Variants in TRIM44 observed in about 807,000 individuals in gnomAD.
TRIM44 encodes tripartite motif containing 44.
TRIM44 carries 13 observed loss-of-function variants against 37.4 expected under a neutral mutation model. That is an observed-to-expected ratio of 0.35 (90% CI 0.23 to 0.55). The LOEUF is 0.55. Among genes scored for constraint, TRIM44 ranks in the 20% least tolerant of loss-of-function variants. The pLI is 0.89. For missense variants in TRIM44, 426 were observed against 437.2 expected (o/e 0.97, Z 0.23); for synonymous variants, 175 against 157.2 (o/e 1.11, Z -0.85).
rs1853249944 is a variant in TRIM44 at position 35,793,929 on chromosome 11, A to G, written c.1008-12429A>G. On this transcript the variant is annotated intron_variant, in intron 4 of 4. Transcript: ENST00000299413. ...ATGAAAACTGTAAAGATTTGGATGAAGTGATTAATTAGTTCAGTGTCTAGC... is the reference window on the plus strand; with the variant it reads ...ATGAAAACTGTAAAGATTTGGATGAGGTGATTAATTAGTTCAGTGTCTAGC... 2.6e-5 allele frequency among the ~76,000 whole-genome samples: 4 copies of G among 152,198 alleles called. No homozygotes were observed. In the South Asian group the frequency reaches 8.3e-4, roughly 32 times the overall value.
At chr11:35,697,010 CT>C (rs1851709803) in intron 2 of TRIM44, among the ~76,000 whole-genome samples, 1 of 151,970 alleles carries the variant, frequency 6.6e-6, no homozygotes, top group South Asian at 2.1e-4. Flanking sequence ...ATAATAAAAC[CT>C]TAAAGACAAA....
intron 4 of TRIM44, among the ~76,000 whole-genome samples, chr11:35,794,302 A>G (rs1318959817): frequency 6.6e-6 from 1 of 152,226 alleles, no homozygotes; most frequent in South Asian, 2.1e-4. Flanking sequence ...AGGTGGATAA[A>G]GTATTAGAAT....
chr11:35,767,018 T>G (rs2970330), intron 4 of TRIM44, among the ~76,000 whole-genome samples: 128,040 of 152,150 alleles, frequency 0.84, 54,118 homozygotes, highest in Middle Eastern at 0.86. Context: ...CCAAGTCAAG[T>G]CATGGTTTTA....
At chr11:35,726,843 A>G (rs1456626141) in intron 3 of TRIM44, among the ~76,000 whole-genome samples, 1 of 151,328 alleles carries the variant, frequency 6.6e-6, no homozygotes, top group Non-Finnish European at 1.5e-5. Context: ...CTTTGAAAAA[A>G]TTATTTAAGG....
At chr11:35,722,847 G>C (rs1384653474) in intron 2 of TRIM44, among the ~76,000 whole-genome samples, 1 of 152,158 alleles carries the variant, frequency 6.6e-6, no homozygotes, top group Non-Finnish European at 1.5e-5. Context: ...AGTGGCTTTG[G>C]TTCAGACGCC....
intron 1 of TRIM44, among the ~76,000 whole-genome samples, chr11:35,664,190 A>G (rs569978144): frequency 1.1e-4 from 16 of 152,334 alleles, no homozygotes; most frequent in Admixed American, 5.9e-4. Flanking sequence ...ATTTTGCCAC[A>G]TGAATCCAAG....
intron 2 of TRIM44, among the ~76,000 whole-genome samples, chr11:35,723,898 T>C (rs533680961): frequency 6.6e-6 from 1 of 152,330 alleles, no homozygotes; most frequent in South Asian, 2.1e-4. Flanking sequence ...TAGAGATCCA[T>C]TGATCAATGA....
At chr11:35,789,667 A>C (rs1021683658) in intron 4 of TRIM44, among the ~76,000 whole-genome samples, 8 of 152,146 alleles carry the variant, frequency 5.3e-5, no homozygotes, top group African/African-American at 1.9e-4. Flanking sequence ...TTGTCATCCA[A>C]ATTACTGACA....
intron 4 of TRIM44, among the ~76,000 whole-genome samples, chr11:35,775,095 G>C (rs949096793): frequency 6.6e-6 from 1 of 152,034 alleles, no homozygotes; most frequent in African/African-American, 2.4e-5. Flanking sequence ...TTCTTCCTAT[G>C]CATGAGCATG....
rs1274914987 is a variant in TRIM44 at position 35,813,839 on chromosome 11, TCAAA to T, written c.*7457_*7460del. The T allele has an allele frequency of 6.6e-6, 1 of 152,172 alleles. No individual in the cohort carries two copies. The allele number at this position is 152,172 out of a possible 1,614,324, so 9.4% of individuals were successfully genotyped here. A position where few individuals can be genotyped will look rare whatever the true frequency, so the allele number is the denominator to read the frequency against. On this transcript the variant is annotated 3_prime_UTR_variant, in exon 5 of 5. Coordinates refer to ENST00000299413, the MANE Select transcript of TRIM44 (RefSeq NM_017583.6). ...TGACCATCCAGAATATTTAGCTAAA[TCAAA>T]CAGTGTATATCCCCCTAGCTGACTT...
At chr11:35,697,130 T>C (rs570609467) in intron 2 of TRIM44, among the ~76,000 whole-genome samples, 7 of 151,988 alleles carry the variant, frequency 4.6e-5, no homozygotes, top group Admixed American at 3.9e-4. Context: ...TTGTTACATA[T>C]GTATACATGT....
intron 2 of TRIM44, among the ~76,000 whole-genome samples, chr11:35,696,991 C>T (rs114455274): frequency 0.013 from 1,946 of 152,124 alleles, 46 homozygotes; most frequent in African/African-American, 0.044. Flanking sequence ...TTAATGTCAA[C>T]CGCAATTTAT....
intron 4 of TRIM44, among the ~76,000 whole-genome samples, chr11:35,769,081 TAC>T (rs1565012378): frequency 6.6e-6 from 1 of 152,224 alleles, no homozygotes; most frequent in Non-Finnish European, 1.5e-5. Flanking sequence ...ACCGGGTTGT[TAC>T]TTAGATGAAC....
intron 4 of TRIM44, among the ~76,000 whole-genome samples, chr11:35,795,623 GAATCTT>G (rs1159186303): frequency 1.3e-5 from 2 of 152,102 alleles, no homozygotes; most frequent in Non-Finnish European, 2.9e-5. Context: ...ACTTGAGAAG[GAATCTT>G]TAGCCCATTG....
chr11:35,722,468 C>T (rs1464931021), intron 2 of TRIM44, among the ~76,000 whole-genome samples: 1 of 152,230 alleles, frequency 6.6e-6, no homozygotes, highest in African/African-American at 2.4e-5. Context: ...ATAGGCAGAG[C>T]AGCCCCAAGG....
Position 35,741,326 on chromosome 11 carries a change from A to G in TRIM44, c.1007+5881A>G, listed in dbSNP as rs527756607. 5.3e-5 allele frequency among the ~76,000 whole-genome samples: 8 copies of G among 152,320 alleles called. No homozygotes were observed. In the East Asian group the frequency reaches 1.2e-3, roughly 22 times the overall value. On this transcript the variant is annotated intron_variant, in intron 4 of 4. Coordinates refer to ENST00000299413, the MANE Select transcript of TRIM44 (RefSeq NM_017583.6). ...GTCAGATGAAAGTTGAAGCCACACTATGCATTGTGCTGCCTGTCTATACCC... is the reference window on the plus strand; with the variant it reads ...GTCAGATGAAAGTTGAAGCCACACTGTGCATTGTGCTGCCTGTCTATACCC...
At chr11:35,667,258 GA>G (rs1402539152) in intron 1 of TRIM44, among the ~76,000 whole-genome samples, 2 of 152,148 alleles carry the variant, frequency 1.3e-5, no homozygotes, top group Non-Finnish European at 2.9e-5. Flanking sequence ...TTATGATGAT[GA>G]ATTACATTAA....
At chr11:35,761,638 A>G (rs904188301) in intron 4 of TRIM44, among the ~76,000 whole-genome samples, 38 of 152,222 alleles carry the variant, frequency 2.5e-4, no homozygotes, top group Admixed American at 1.9e-3. Context: ...TCTGTTTTCC[A>G]AATGAGGAAA....
intron 4 of TRIM44, among the ~76,000 whole-genome samples, chr11:35,746,074 G>T (rs1268342053): frequency 9.2e-5 from 14 of 152,162 alleles, no homozygotes. Context: ...TCCTTAAAAG[G>T]TAATCAAACA....
Sources: allele counts gnomAD v4.1 joint callset (sites outside exome capture counted in the v4.1 genomes callset), GRCh38; gene constraint gnomAD v4.1.1; transcripts MANE v1.5; gene names NCBI Gene and HGNC (gene_info 2026-07-23, HGNC 2026-07-21).